Variants in USH2A observed in about 807,000 individuals in gnomAD.
USH2A encodes Usher syndrome 2A (autosomal recessive, mild).
Under a neutral mutation model 538.9 loss-of-function variants are expected in USH2A, and 443 were observed. The observed-to-expected ratio is 0.82, with a 90% CI of 0.76 to 0.89. USH2A has a LOEUF of 0.89. Ranked by LOEUF, USH2A falls within the 40% of genes least tolerant of loss-of-function variation. USH2A has a pLI of 0.00. For synonymous variants in USH2A, 2,413 were observed against 2,273.5 expected, an observed-to-expected ratio of 1.06 and a Z score of -1.75; for missense variants, 6,633 against 6,324.8, an observed-to-expected ratio of 1.05 and a Z score of -1.65.
chr1:215,953,118 T>C (rs559837464), intron 37 of USH2A, among the ~76,000 whole-genome samples: 1 of 152,122 alleles, frequency 6.6e-6, no homozygotes, highest in African/African-American at 2.4e-5. Context: ...AGAATCAATA[T>C]TGTGAAAATG....
At chr1:216,335,025 T>C (rs1406306344) in intron 4 of USH2A, among the ~76,000 whole-genome samples, 4 of 151,810 alleles carry the variant, frequency 2.6e-5, no homozygotes, top group Admixed American at 1.3e-4. Flanking sequence ...ATATGGTACA[T>C]TCTCCAGGAT....
intron 62 of USH2A, 99 bp from the exon 63 acceptor site, chr1:215,675,715 T>C (rs1234962010): frequency 1.9e-6 from 3 of 1,592,844 alleles, no homozygotes; most frequent in Non-Finnish European, 2.6e-6. Flanking sequence ...GTTCCTTATT[T>C]TGATGACCCT....
In USH2A at chr1:215,675,320, T is replaced by A. The variant is rs2102666687; in HGVS notation, c.12591A>T (p.Gly4197=). 4 of 1,614,124 alleles carry A rather than the reference T, an allele frequency of 2.5e-6. No individual in the cohort carries two copies. Among genetic ancestry groups the A allele is most frequent in the Non-Finnish European group, 3.4e-6 (4 of 1,180,022 alleles). The stretch of plus-strand genomic sequence containing the variant: ...GGATTGTCTGATTTCCCCAAGCTTT[T>A]CCCTCGAAGCATCTGCGAATCACTT... ...RYEVIRRCFE[G]KAWGNQTIQA... Residue 4197 remains glycine, a synonymous_variant, in exon 63 of 72, where the codon GGA becomes GGT. Transcript: ENST00000307340.
chr1:215,883,371 T>TG (rs952093191), intron 41 of USH2A, among the ~76,000 whole-genome samples: 2 of 151,930 alleles, frequency 1.3e-5, no homozygotes, highest in East Asian at 1.9e-4. Flanking sequence ...TTTTGGTGGG[T>TG]GGGGGGGAAG....
intron 11 of USH2A, among the ~76,000 whole-genome samples, chr1:216,280,550 T>A (rs1163787540): frequency 6.6e-6 from 1 of 152,150 alleles, no homozygotes; most frequent in East Asian, 1.9e-4. Context: ...CAATAATCAT[T>A]ATTACTCTTC....
intron 3 of USH2A, among the ~76,000 whole-genome samples, chr1:216,372,706 A>G (rs140827653): frequency 1.3e-5 from 2 of 152,266 alleles, no homozygotes; most frequent in African/African-American, 4.8e-5. Context: ...AAATCTGCCA[A>G]CAGTCTGATT....
intron 48 of USH2A, among the ~76,000 whole-genome samples, chr1:215,814,644 A>T (rs1412049141): frequency 6.6e-6 from 1 of 152,038 alleles, no homozygotes; most frequent in Non-Finnish European, 1.5e-5. Flanking sequence ...TCACATGAAG[A>T]AGGTCCTTGC....
At position 215,673,980 on chromosome 1, in the gene USH2A, T is replaced by C. The variant is rs1657906493; in HGVS notation, c.13811+120A>G. ...TGTCTACTATGCACGTTTAGGTGGA[T>C]GGAGGTTGGGGACACCTTGCATCCC... On this transcript the variant is annotated intron_variant, in intron 63 of 71. Transcript: ENST00000307340. The C allele has an allele frequency of 3.8e-6, 6 of 1,563,890 alleles. 1 individual carries two copies. Among genetic ancestry groups the C allele is most frequent in the South Asian group, 3.4e-5 (3 of 88,946 alleles).
At chr1:216,207,223 T>C in intron 16 of USH2A, 50 bp downstream of exon 16, 1 of 1,605,420 alleles carries the variant, frequency 6.2e-7, no homozygotes, top group Non-Finnish European at 8.5e-7. Context: ...ACTTAACTAA[T>C]GTGTCAATTC....
chr1:215,954,358 A>T lies in USH2A; in HGVS notation c.7120+10959T>A, dbSNP rs535506020. On this transcript the variant is annotated intron_variant, in intron 37 of 71. Transcript: ENST00000307340. ...GACTGGATTAAGAAAGTGTGGCACAAATACACCATGGAATACTATGCAGCC... is the reference window on the plus strand; with the variant it reads ...GACTGGATTAAGAAAGTGTGGCACATATACACCATGGAATACTATGCAGCC... Among the ~76,000 whole-genome samples the T allele has an allele frequency of 3.3e-5, 5 of 152,170 alleles. No homozygotes were observed. In the South Asian group the frequency reaches 8.3e-4, roughly 25 times the overall value.
intron 9 of USH2A, among the ~76,000 whole-genome samples, chr1:216,293,744 G>A (rs1189328612): frequency 6.6e-6 from 1 of 152,068 alleles, no homozygotes; most frequent in Non-Finnish European, 1.5e-5. Context: ...ACAACCACAC[G>A]CTTCTCTTCT....
chr1:216,244,525 G>A (rs1029604515), intron 13 of USH2A, among the ~76,000 whole-genome samples: 1 of 152,058 alleles, frequency 6.6e-6, no homozygotes, highest in African/African-American at 2.4e-5. Context: ...CTTAGAGTTG[G>A]GAACAAAGAG....
At chr1:216,357,400 G>A (rs182592989) in intron 4 of USH2A, among the ~76,000 whole-genome samples, 207 of 152,102 alleles carry the variant, frequency 1.4e-3, no homozygotes, top group Non-Finnish European at 2.1e-3. Context: ...GATTTCAGCT[G>A]AACTAAAATG....
chr1:215,642,782 G>C lies in USH2A; in HGVS notation c.14792-2048C>G, dbSNP rs112616687. Among the ~76,000 whole-genome samples, 227 of 151,996 alleles carry C rather than the reference G, an allele frequency of 1.5e-3. 1 individual carries two copies. The highest frequency in any genetic ancestry group is 5.4e-3 in the African/African-American group (222 of 41,468). ...TTGGTCACTTGAGAGCAGTAATGGG[G>C]GTATTCACACCATGGAAACTGATAA... On this transcript the variant is annotated intron_variant, in intron 67 of 71. Transcript: ENST00000307340.
intron 35 of USH2A, among the ~76,000 whole-genome samples, chr1:215,986,016 A>C (rs1025360690): frequency 6.6e-6 from 1 of 152,210 alleles, no homozygotes; most frequent in African/African-American, 2.4e-5. Flanking sequence ...CCAATATGAA[A>C]GACTAAATTA....
intron 47 of USH2A, among the ~76,000 whole-genome samples, chr1:215,829,676 C>T (rs1663258291): frequency 6.6e-6 from 1 of 152,188 alleles, no homozygotes; most frequent in Admixed American, 6.5e-5. Flanking sequence ...ACCATACACA[C>T]ACAAGGCTAA....
At chr1:216,417,966 C>G (rs1367099066) in intron 3 of USH2A, among the ~76,000 whole-genome samples, 1 of 152,072 alleles carries the variant, frequency 6.6e-6, no homozygotes, top group Non-Finnish European at 1.5e-5. Context: ...GCTCTCTCAG[C>G]CTTTAGCAGC....
rs1348686508 is a variant in USH2A at position 216,048,621 on chromosome 1, T to C, written c.6076A>G (p.Lys2026Glu). The change falls in exon 31 of 72, where the codon AAA becomes GAA. Residue 2026 changes from lysine to glutamate, a missense_variant. By Grantham distance (56) the Lys-to-Glu change is moderately conservative. Coordinates refer to ENST00000307340, the MANE Select transcript of USH2A (RefSeq NM_206933.4). ...GCAGTTAGGGTTACTGCATAGTTTT[T>C]GAAGGGTAGCAAGCCTGTCAATATG... ...TGILTGLLPF[K>E]NYAVTLTACT... 2 of 1,613,994 alleles carry C rather than the reference T, an allele frequency of 1.2e-6. No individual in the cohort carries two copies. The highest frequency in any genetic ancestry group is 1.1e-5 in the South Asian group (1 of 91,090).
At chr1:216,091,691 CAATTT>C in intron 22 of USH2A, among the ~76,000 whole-genome samples, 1 of 152,062 alleles carries the variant, frequency 6.6e-6, no homozygotes, top group East Asian at 1.9e-4. Flanking sequence ...ATTTAATACT[CAATTT>C]TATTAAGATA....
Sources: gnomAD v4.1 joint callset for allele counts (sites outside exome capture counted in the v4.1 genomes callset) on GRCh38, gnomAD v4.1.1 for gene constraint, MANE v1.5 for transcripts, NCBI Gene and HGNC (gene_info 2026-07-23, HGNC 2026-07-21) for gene names.